Variants in TRUB1 observed in about 807,000 individuals in gnomAD.
TRUB1 encodes TruB pseudouridine synthase family member 1.
Under a neutral mutation model 33.9 loss-of-function variants are expected in TRUB1, and 23 were observed. The observed-to-expected ratio is 0.68, with a 90% CI of 0.49 to 0.96. The LOEUF (loss-of-function observed/expected upper bound fraction) is 0.96. Among genes scored for constraint, TRUB1 ranks in the 40% least tolerant of loss-of-function variants. TRUB1 has a pLI of 0.00. For missense variants in TRUB1, 378 were observed against 422.2 expected (o/e 0.90, Z 0.92); for synonymous variants, 163 against 165.4 (o/e 0.99, Z 0.11).
Position 114,939,710 on chromosome 10 carries a change from C to T in TRUB1, c.286+1171C>T, listed in dbSNP as rs143382761. On this transcript the variant is annotated intron_variant, in intron 1 of 7. Coordinates refer to ENST00000298746, the MANE Select transcript of TRUB1 (RefSeq NM_139169.5). ...CTGAAAGTATGGGTCATACAGAGGA[C>T]GTCAAAGTGAGGAATTGCATCAAGG... Among the ~76,000 whole-genome samples the T allele has an allele frequency of 5.0e-3, 758 of 152,060 alleles. 4 individuals carry two copies. Among genetic ancestry groups the T allele is most frequent in the African/African-American group, 0.017 (698 of 41,476 alleles).
At chr10:114,941,793 AT>A (rs899493374) in intron 1 of TRUB1, among the ~76,000 whole-genome samples, 1 of 150,692 alleles carries the variant, frequency 6.6e-6, no homozygotes. Flanking sequence ...TTATTTATTT[AT>A]TTTTTTTTGA....
chr10:114,951,157 T>C lies in TRUB1; in HGVS notation c.441+8T>C. On this transcript the variant is annotated splice_region_variant and intron_variant, in intron 3 of 7. Coordinates refer to ENST00000298746, the MANE Select transcript of TRUB1 (RefSeq NM_139169.5). ...ATGTTGTCAGGGTCCAAGGTAAGAA[T>C]ACTGAAATAGTTCTATTTTTCTTTA... 1.2e-6 allele frequency: 2 copies of C among 1,608,086 alleles called. No individual in the cohort carries two copies. Among genetic ancestry groups the C allele is most frequent in the Non-Finnish European group, 1.7e-6 (2 of 1,175,996 alleles).
intron 7 of TRUB1, 36 bp from the exon 8 acceptor site, chr10:114,975,087 T>C (rs762963036): frequency 3.8e-6 from 6 of 1,580,838 alleles, no homozygotes; most frequent in Non-Finnish European, 5.1e-6. Context: ...GAATCGTTTA[T>C]CTTCTGGATT....
intron 3 of TRUB1, among the ~76,000 whole-genome samples, chr10:114,957,819 C>G (rs993828986): frequency 1.3e-5 from 2 of 152,118 alleles, no homozygotes; most frequent in Non-Finnish European, 2.9e-5. Flanking sequence ...AAGATTGCAC[C>G]ATGGTTTTCT....
chr10:114,961,790 CA>C (rs1169931157), intron 4 of TRUB1, among the ~76,000 whole-genome samples: 1 of 152,130 alleles, frequency 6.6e-6, no homozygotes, highest in Non-Finnish European at 1.5e-5. Context: ...GCTGCTATAG[CA>C]GGTACCAAGG....
At chr10:114,953,607 G>A (rs1234956134) in intron 3 of TRUB1, among the ~76,000 whole-genome samples, 2 of 152,022 alleles carry the variant, frequency 1.3e-5, no homozygotes, top group Non-Finnish European at 2.9e-5. Flanking sequence ...ATACATTTAT[G>A]AAAAGGAAAA....
chr10:114,950,276 CTGAA>C (rs2084228592), intron 2 of TRUB1, among the ~76,000 whole-genome samples: 1 of 152,200 alleles, frequency 6.6e-6, no homozygotes, highest in Non-Finnish European at 1.5e-5. Context: ...GGTAAACTCA[CTGAA>C]TGGTATTTGC....
Position 114,970,435 on chromosome 10 carries a change from C to T in TRUB1, c.591C>T (p.Pro197=). 6.2e-7 allele frequency: 1 copy of T among 1,606,590 alleles called. No individual in the cohort carries two copies. The highest frequency in any genetic ancestry group is 1.1e-5 in the South Asian group (1 of 90,644). ...QKFTGNIMQV[P]PLYSALKKDG... Reference sequence around the variant, plus strand: ...TTACTGGAAATATAATGCAAGTGCCCCCCCTGTAAGTTCAATTAGTAAATT... The same window carrying T: ...TTACTGGAAATATAATGCAAGTGCCTCCCCTGTAAGTTCAATTAGTAAATT... Residue 197 remains proline (P), a synonymous_variant, in exon 5 of 8, where the codon CCC becomes CCT. Transcript: ENST00000298746.
At chr10:114,939,399 T>C (rs1419246329) in intron 1 of TRUB1, among the ~76,000 whole-genome samples, 5 of 152,214 alleles carry the variant, frequency 3.3e-5, no homozygotes, top group Non-Finnish European at 7.3e-5. Context: ...CCTAGTAATT[T>C]CTGCACCTTG....
intron 2 of TRUB1, among the ~76,000 whole-genome samples, chr10:114,949,805 A>G (rs11197005): frequency 0.47 from 71,566 of 151,840 alleles, 18,294 homozygotes; most frequent in African/African-American, 0.64. Flanking sequence ...TAACTCTACC[A>G]GGTACTGGTT....
At chr10:114,955,810 A>G (rs761878879) in intron 3 of TRUB1, among the ~76,000 whole-genome samples, 3 of 152,296 alleles carry the variant, frequency 2.0e-5, no homozygotes, top group Admixed American at 6.5e-5. Flanking sequence ...ATTAATTTTC[A>G]TATATTTCAT....
At chr10:114,943,255 C>G (rs972346649) in intron 2 of TRUB1, among the ~76,000 whole-genome samples, 1 of 151,966 alleles carries the variant, frequency 6.6e-6, no homozygotes, top group African/African-American at 2.4e-5. Context: ...GCACTGGGGC[C>G]GGGTGCAGTG....
chr10:114,959,951 T>G, intron 4 of TRUB1, 144 bp downstream of exon 4: 1 of 597,966 alleles, frequency 1.7e-6, no homozygotes, highest in Non-Finnish European at 2.9e-6. Flanking sequence ...TGGAAATTGT[T>G]TATCGCATTG....
chr10:114,952,323 A>T (rs74639477), intron 3 of TRUB1, among the ~76,000 whole-genome samples: 1 of 152,156 alleles, frequency 6.6e-6, no homozygotes, highest in South Asian at 2.1e-4. Context: ...CACCTTTAAT[A>T]CCAGCTACTC....
chr10:114,941,892 C>T (rs1297416640), intron 1 of TRUB1, among the ~76,000 whole-genome samples: 1 of 152,144 alleles, frequency 6.6e-6, no homozygotes, highest in Non-Finnish European at 1.5e-5. Context: ...TCACACCATT[C>T]TCCTGCCTCA....
In TRUB1 at chr10:114,956,750, G is replaced by T. The variant is rs569856043; in HGVS notation, c.442-2976G>T. 7.2e-4 allele frequency among the ~76,000 whole-genome samples: 110 copies of T among 152,198 alleles called. 2 individuals carry two copies. The South Asian group carries it at 0.021, about 29-fold the overall frequency. On this transcript the variant is annotated intron_variant, in intron 3 of 7. Transcript: ENST00000298746. ...TTACTAGATGTGCAATGACATCATT[G>T]CTCTGATGGCTAATGGAAGTTTTAA...
Position 114,940,280 on chromosome 10 carries a change from C to G in TRUB1, c.286+1741C>G, listed in dbSNP as rs1564696492. On this transcript the variant is annotated intron_variant, in intron 1 of 7. Coordinates refer to ENST00000298746, the MANE Select transcript of TRUB1 (RefSeq NM_139169.5). ...GGGATTACAGGCATGCACCACCATG[C>G]CCAGCTAATTTTGTATTTTTGGTAG... 2.6e-5 allele frequency among the ~76,000 whole-genome samples: 4 copies of G among 152,270 alleles called. No individual in the cohort carries two copies. The South Asian group carries it at 8.3e-4, about 32-fold the overall frequency.
intron 1 of TRUB1, among the ~76,000 whole-genome samples, chr10:114,940,049 A>G (rs1050998892): frequency 6.6e-6 from 1 of 152,032 alleles, no homozygotes; most frequent in Non-Finnish European, 1.5e-5. Context: ...CCTATTTTGT[A>G]TTTATGTTAG....
At chr10:114,953,409 T>C (rs2084245976) in intron 3 of TRUB1, among the ~76,000 whole-genome samples, 1 of 152,192 alleles carries the variant, frequency 6.6e-6, no homozygotes, top group Non-Finnish European at 1.5e-5. Flanking sequence ...AAGAACTAAA[T>C]CATTAAGAGT....
Sources: allele counts gnomAD v4.1 joint callset (sites outside exome capture counted in the v4.1 genomes callset), GRCh38; gene constraint gnomAD v4.1.1; transcripts MANE v1.5; gene names NCBI Gene and HGNC (gene_info 2026-07-23, HGNC 2026-07-21).